Variants in ADAM12 observed in about 807,000 individuals in gnomAD.
The protein encoded by ADAM12 is disintegrin and metalloproteinase domain-containing protein 12.
A neutral mutation model predicts 106.4 loss-of-function variants in ADAM12; 70 were observed. The observed-to-expected ratio is 0.66, with a 90% CI of 0.54 to 0.80. The LOEUF is 0.80. ADAM12 is among the 30% of genes least tolerant of loss of function. The pLI is 0.00. For missense variants in ADAM12, 1,010 were observed against 1,171.9 expected, an observed-to-expected ratio of 0.86 and a Z score of 2.02; for synonymous variants, 420 against 433.5, an observed-to-expected ratio of 0.97 and a Z score of 0.39.
At chr10:126,197,254 G>A (rs2133813603) in intron 3 of ADAM12, among the ~76,000 whole-genome samples, 1 of 152,328 alleles carries the variant, frequency 6.6e-6, no homozygotes, top group Non-Finnish European at 1.5e-5. Flanking sequence ...GAGTGACAAG[G>A]CATCTTTTGG....
At chr10:126,343,450 C>G (rs1298801974) in intron 1 of ADAM12, among the ~76,000 whole-genome samples, 3 of 152,078 alleles carry the variant, frequency 2.0e-5, no homozygotes, top group Admixed American at 2.0e-4. Context: ...TGGGTTGGTT[C>G]CATGTCTTTG....
chr10:126,103,214 C>T (rs2133584596), intron 8 of ADAM12, among the ~76,000 whole-genome samples: 2 of 152,310 alleles, frequency 1.3e-5, no homozygotes, highest in Admixed American at 1.3e-4. Flanking sequence ...GAACAGATTT[C>T]ATACTTAGTA....
chr10:126,065,173 T>C (rs1332051620), intron 13 of ADAM12, among the ~76,000 whole-genome samples, 172 bp from the exon 14 acceptor site: 3 of 152,214 alleles, frequency 2.0e-5, no homozygotes, highest in African/African-American at 7.2e-5. Flanking sequence ...CAGATTCTCG[T>C]TCTGGGGTTC....
At chr10:126,125,777 T>C (rs1226056398) in intron 5 of ADAM12, among the ~76,000 whole-genome samples, 1 of 151,692 alleles carries the variant, frequency 6.6e-6, no homozygotes, top group South Asian at 2.1e-4. Context: ...GATCTCAAGA[T>C]GAGATTGTCC....
chr10:126,148,085 G>T (rs1956662044), intron 4 of ADAM12, among the ~76,000 whole-genome samples: 1 of 152,094 alleles, frequency 6.6e-6, no homozygotes, highest in African/African-American at 2.4e-5. Context: ...CCTTAGATGT[G>T]GGCAGCAAAG....
intron 12 of ADAM12, among the ~76,000 whole-genome samples, chr10:126,070,985 C>T (rs182912180): frequency 6.6e-6 from 1 of 152,244 alleles, no homozygotes; most frequent in East Asian, 1.9e-4. Context: ...GCTACAAGCT[C>T]GAGAGGCAGA....
rs1372769798 is a variant in ADAM12 at position 126,053,961 on chromosome 10, C to T, written c.1610-4292G>A. On this transcript the variant is annotated intron_variant, in intron 14 of 22. Coordinates refer to ENST00000448723, the MANE Select transcript of ADAM12 (RefSeq NM_001288973.2). The surrounding 1 kb of genome is among the most constrained non-coding windows in gnomAD (Gnocchi z 4.6). ...ACCTCAGGTGATTCACCCACCTCAG[C>T]CTCCCAAAATGCTGGGATTACAGGC... Among the ~76,000 whole-genome samples, 2 of 152,152 alleles carry T rather than the reference C, an allele frequency of 1.3e-5. No individual in the cohort carries two copies. Among genetic ancestry groups the T allele is most frequent in the African/African-American group, 4.8e-5 (2 of 41,444 alleles).
At chr10:126,192,021 T>C (rs1017872042) in intron 3 of ADAM12, among the ~76,000 whole-genome samples, 19 of 152,096 alleles carry the variant, frequency 1.2e-4, no homozygotes, top group African/African-American at 3.9e-4. Context: ...TGAGCACTTA[T>C]TCACTATCAC....
chr10:126,019,626 T>C (rs563177267), intron 22 of ADAM12, 69 bp downstream of exon 22: 3 of 1,565,342 alleles, frequency 1.9e-6, no homozygotes, highest in South Asian at 2.4e-5. Context: ...TGTCCTGGCT[T>C]GGATTAGTCG....
intron 11 of ADAM12, among the ~76,000 whole-genome samples, chr10:126,084,442 G>A (rs1316425309): frequency 6.6e-6 from 1 of 152,192 alleles, no homozygotes; most frequent in Middle Eastern, 3.2e-3. Context: ...TGGAGGAGCA[G>A]ACTCTCGTAG....
In ADAM12 at chr10:126,094,865, C is replaced by T. The variant is rs543756039; in HGVS notation, c.997-732G>A. 2.5e-3 allele frequency among the ~76,000 whole-genome samples: 379 copies of T among 152,264 alleles called. 1 individual carries two copies. Among genetic ancestry groups the T allele is most frequent in the Non-Finnish European group, 4.5e-3 (308 of 68,022 alleles). On this transcript the variant is annotated intron_variant, in intron 10 of 22. Coordinates refer to ENST00000448723, the MANE Select transcript of ADAM12 (RefSeq NM_001288973.2). ...TAACCTTTTGCTTGGATATGGAAGG[C>T]GGCTTCTCCATTCAACAAGCACTAC...
intron 3 of ADAM12, among the ~76,000 whole-genome samples, chr10:126,268,591 A>G (rs1242675501): frequency 6.6e-6 from 1 of 152,236 alleles, no homozygotes; most frequent in East Asian, 1.9e-4. Flanking sequence ...GTCATCACTA[A>G]TGAACTGTGA....
In ADAM12 at chr10:126,319,695, C is replaced by T. The variant is rs1264907822; in HGVS notation, c.186+10717G>A. On this transcript the variant is annotated intron_variant, in intron 2 of 22. Transcript: ENST00000448723. ...AAGCTAAGAAAATCAGAATAAGGTA[C>T]GGACATTAGCTCCTAATAATCCACT... Among the ~76,000 whole-genome samples the T allele has an allele frequency of 5.3e-5, 8 of 152,124 alleles. No homozygotes were observed. In the East Asian group the frequency reaches 5.8e-4, roughly 11 times the overall value.
intron 3 of ADAM12, among the ~76,000 whole-genome samples, chr10:126,156,666 C>T (rs1296479749): frequency 1.3e-5 from 2 of 152,200 alleles, no homozygotes; most frequent in African/African-American, 2.4e-5. Context: ...CTTCTGGGTG[C>T]GTGGATGTGC....
intron 3 of ADAM12, among the ~76,000 whole-genome samples, chr10:126,231,624 G>T (rs1186876234): frequency 2.0e-5 from 3 of 152,096 alleles, no homozygotes; most frequent in Admixed American, 6.6e-5. Flanking sequence ...CCCATTACCT[G>T]CTCTGGTCAC....
At chr10:126,341,252 C>T (rs536812950) in intron 1 of ADAM12, among the ~76,000 whole-genome samples, 2 of 152,256 alleles carry the variant, frequency 1.3e-5, no homozygotes, top group South Asian at 2.1e-4. Flanking sequence ...TCTGTCTCTA[C>T]CACCCCTCAA....
At chr10:126,114,743 G>A (rs1414469832) in intron 6 of ADAM12, among the ~76,000 whole-genome samples, 1 of 152,204 alleles carries the variant, frequency 6.6e-6, no homozygotes, top group African/African-American at 2.4e-5. Context: ...GCCTCCCAAA[G>A]TGCTGGGACT....
chr10:126,064,960 G>C lies in ADAM12; in HGVS notation c.1455C>G (p.Ser485=). ...CTGTGCAGAACTCTGGGAGGTCACAGGAGTTGCTGGAGTCCCTGCACGCTG... is the reference window on the plus strand; with the variant it reads ...CTGTGCAGAACTCTGGGAGGTCACACGAGTTGCTGGAGTCCCTGCACGCTG... The part of the protein sequence containing the change: ...AGTACRDSSN[S]CDLPEFCTGA... The change falls in exon 14 of 23, where the codon TCC becomes TCG. Residue 485 remains serine (S), a synonymous_variant. Transcript: ENST00000448723. The surrounding 1 kb of genome is among the most constrained non-coding windows in gnomAD (Gnocchi z 4.4). 1 of 1,612,898 alleles carries C rather than the reference G, an allele frequency of 6.2e-7. No individual in the cohort carries two copies. The highest frequency in any genetic ancestry group is 8.5e-7 in the Non-Finnish European group (1 of 1,179,636).
chr10:126,332,780 A>T (rs534468185), intron 1 of ADAM12, among the ~76,000 whole-genome samples: 1 of 152,286 alleles, frequency 6.6e-6, no homozygotes, highest in African/African-American at 2.4e-5. Flanking sequence ...TGTGTGAGGG[A>T]CGCATCGGCC....
Sources: allele counts gnomAD v4.1 joint callset (sites outside exome capture counted in the v4.1 genomes callset), GRCh38; gene constraint gnomAD v4.1.1; non-coding constraint Gnocchi (gnomAD v3.1); transcripts MANE v1.5; gene names NCBI Gene and HGNC (gene_info 2026-07-23, HGNC 2026-07-21).